Variants in AUTS2 observed in about 807,000 individuals in gnomAD.
AUTS2 encodes the protein autism susceptibility gene 2 protein.
Under a neutral mutation model 112.4 loss-of-function variants are expected in AUTS2, and 17 were observed. That is an observed-to-expected ratio of 0.15 (90% CI 0.10 to 0.23). The LOEUF (loss-of-function observed/expected upper bound fraction) is 0.23. Among genes scored for constraint, AUTS2 ranks in the 10% least tolerant of loss-of-function variants. The probability of loss-of-function intolerance (pLI) is 1.00; values close to 1 mark genes in which losing one functional copy is unlikely to be tolerated. For missense variants in AUTS2, 1,510 were observed against 1,701.6 expected (o/e 0.89, Z 1.98); for synonymous variants, 751 against 702.7 (o/e 1.07, Z -1.09).
chr7:69,855,527 C>T (rs1170894495), intron 1 of AUTS2, among the ~76,000 whole-genome samples: 1 of 152,180 alleles, frequency 6.6e-6, no homozygotes, highest in African/African-American at 2.4e-5. Context: ...ATTATAGTCT[C>T]ATACTTACCC....
At chr7:70,519,037 C>G (rs1799537162) in intron 5 of AUTS2, among the ~76,000 whole-genome samples, 1 of 152,116 alleles carries the variant, frequency 6.6e-6, no homozygotes, top group Admixed American at 6.5e-5. Context: ...CATGTAGTTA[C>G]TGCTTATGGA....
chr7:70,593,567 G>C (rs1220493611), intron 5 of AUTS2, among the ~76,000 whole-genome samples: 1 of 152,144 alleles, frequency 6.6e-6, no homozygotes, highest in Admixed American at 6.5e-5. Context: ...TTCTAGTCAG[G>C]TGATAATGGA....
intron 5 of AUTS2, among the ~76,000 whole-genome samples, chr7:70,612,526 T>G (rs1183990237): frequency 2.0e-5 from 3 of 151,986 alleles, no homozygotes; most frequent in Non-Finnish European, 2.9e-5. Context: ...TCTAGTATTG[T>G]CCTTCAAGTT....
intron 5 of AUTS2, among the ~76,000 whole-genome samples, chr7:70,485,470 G>A (rs931277654): frequency 6.6e-6 from 1 of 152,114 alleles, no homozygotes; most frequent in African/African-American, 2.4e-5. Context: ...GGACTCGGGG[G>A]AAAGGGAGGG....
At chr7:70,732,442 A>G (rs1410345122) in intron 6 of AUTS2, among the ~76,000 whole-genome samples, 2 of 152,150 alleles carry the variant, frequency 1.3e-5, no homozygotes, top group Admixed American at 6.5e-5. Flanking sequence ...GGGTCTCAGT[A>G]TCCGAGGTTC....
At chr7:70,692,763 CTT>C (rs3053872) in intron 5 of AUTS2, among the ~76,000 whole-genome samples, 79,848 of 147,092 alleles carry the variant, frequency 0.54, 22,622 homozygotes, top group East Asian at 0.75. Context: ...GCACCCCCAC[CTT>C]TTTTTTTTTT....
chr7:69,792,277 T>C (rs1789645225), intron 1 of AUTS2, among the ~76,000 whole-genome samples: 1 of 151,880 alleles, frequency 6.6e-6, no homozygotes, highest in African/African-American at 2.4e-5. Flanking sequence ...TCTCGCTCTG[T>C]CGCCCAGGCT....
intron 1 of AUTS2, among the ~76,000 whole-genome samples, chr7:69,763,812 A>G (rs1012986985): frequency 3.9e-5 from 6 of 152,214 alleles, no homozygotes; most frequent in African/African-American, 1.4e-4. Flanking sequence ...TCCTTGGTAC[A>G]TAGCTCATGT....
At chr7:69,678,419 T>A (rs1409758654) in intron 1 of AUTS2, among the ~76,000 whole-genome samples, 1 of 152,160 alleles carries the variant, frequency 6.6e-6, no homozygotes, top group Admixed American at 6.5e-5. Flanking sequence ...TATATTCTAT[T>A]TGGATATCAG....
At chr7:70,048,514 G>A (rs563502734) in intron 2 of AUTS2, among the ~76,000 whole-genome samples, 20 of 152,326 alleles carry the variant, frequency 1.3e-4, no homozygotes, top group African/African-American at 4.8e-4. Flanking sequence ...AAAGGAAAGA[G>A]AAGTAACTTT....
At chr7:70,551,011 C>T (rs1344238598) in intron 5 of AUTS2, among the ~76,000 whole-genome samples, 2 of 152,018 alleles carry the variant, frequency 1.3e-5, no homozygotes, top group East Asian at 1.9e-4. Flanking sequence ...AAACAAAAAA[C>T]AAAACTCACA....
At chr7:70,080,432 G>A (rs529963979) in intron 2 of AUTS2, among the ~76,000 whole-genome samples, 23 of 152,276 alleles carry the variant, frequency 1.5e-4, no homozygotes, top group Admixed American at 6.5e-4. Context: ...TACAACCATA[G>A]GTTGGCTGTA....
intron 1 of AUTS2, among the ~76,000 whole-genome samples, chr7:69,776,850 A>T (rs1231319126): frequency 6.6e-6 from 1 of 152,238 alleles, no homozygotes; most frequent in Admixed American, 6.5e-5. Context: ...CTTTAAAAAA[A>T]ATATAAGCTG....
chr7:70,496,858 C>T (rs1798555660), intron 5 of AUTS2, among the ~76,000 whole-genome samples: 1 of 136,186 alleles, frequency 7.3e-6, no homozygotes, highest in Non-Finnish European at 1.6e-5. Context: ...GTCACACACA[C>T]ACACACCCCA....
chr7:69,966,718 C>T (rs1307216507), intron 2 of AUTS2, among the ~76,000 whole-genome samples: 1 of 152,120 alleles, frequency 6.6e-6, no homozygotes, highest in Non-Finnish European at 1.5e-5. Flanking sequence ...GTCTCACATC[C>T]ATGTATGCTC....
rs3049737 is a variant in AUTS2 at position 70,081,935 on chromosome 7, AGTGTGTGTGTGTGTGTGTGTGT to A, written c.523-36187_523-36166del. ...AAAAACGGTAGATTTTTCTGTGAAG[AGTGTGTGTGTGTGTGTGTGTGT>A]GTGTGTGTGCGCGCGCCTGTGTGTG... On this transcript the variant is annotated intron_variant, in intron 2 of 18. Coordinates refer to ENST00000342771, the MANE Select transcript of AUTS2 (RefSeq NM_015570.4). Among the ~76,000 whole-genome samples, 1,323 of 146,876 alleles carry A rather than the reference AGTGTGTGTGTGTGTGTGTGTGT, an allele frequency of 9.0e-3. 20 individuals carry two copies. Among genetic ancestry groups the A allele is most frequent in the African/African-American group, 0.032 (1,259 of 39,820 alleles).
At chr7:70,057,818 G>GC (rs1276084545) in intron 2 of AUTS2, among the ~76,000 whole-genome samples, 4 of 152,200 alleles carry the variant, frequency 2.6e-5, no homozygotes, top group African/African-American at 9.7e-5. Context: ...GGGAGACAGT[G>GC]CACATAAAGA....
chr7:70,259,938 G>C (rs1427891388), intron 4 of AUTS2, among the ~76,000 whole-genome samples: 1 of 151,854 alleles, frequency 6.6e-6, no homozygotes, highest in African/African-American at 2.4e-5. Context: ...AATGAAAACT[G>C]TGGTTAAAAC....
At position 70,167,116 on chromosome 7, in the gene AUTS2, C is replaced by T. The variant is rs189149303; in HGVS notation, c.660+32545C>T. 3.3e-5 allele frequency among the ~76,000 whole-genome samples: 5 copies of T among 152,250 alleles called. No homozygotes were observed. The East Asian group carries it at 9.7e-4, about 29-fold the overall frequency. On this transcript the variant is annotated intron_variant, in intron 4 of 18. Transcript: ENST00000342771. ...TGGCTCATGCCTGTAATCCCAGCTACTCTGGAGGCTGAGGCAGGGGAATCA... is the reference window on the plus strand; with the variant it reads ...TGGCTCATGCCTGTAATCCCAGCTATTCTGGAGGCTGAGGCAGGGGAATCA...
Sources: allele counts gnomAD v4.1 joint callset (sites outside exome capture counted in the v4.1 genomes callset), GRCh38; gene constraint gnomAD v4.1.1; transcripts MANE v1.5; gene names NCBI Gene and HGNC (gene_info 2026-07-23, HGNC 2026-07-21).